The following FBLN5 variants were observed in gnomAD, a reference collection of about 807,000 sequenced individuals.
FBLN5 encodes fibulin 5, also known as fibulin-5.
FBLN5 carries 24 observed loss-of-function variants against 61.6 expected under a neutral mutation model. The ratio of observed to expected loss-of-function variants is 0.39; its 90% CI spans 0.28 to 0.55. The LOEUF (loss-of-function observed/expected upper bound fraction) is 0.55. FBLN5 is among the 20% of genes least tolerant of loss of function. The probability of loss-of-function intolerance (pLI) is 0.65; values close to 1 mark genes in which losing one functional copy is unlikely to be tolerated. For missense variants in FBLN5, 470 were observed against 594.1 expected (o/e 0.79, Z 2.17); for synonymous variants, 213 against 219.8 (o/e 0.97, Z 0.27).
chr14:91,898,182 C>T (rs754418995), intron 4 of FBLN5, among the ~76,000 whole-genome samples: 5 of 151,976 alleles, frequency 3.3e-5, no homozygotes, highest in South Asian at 2.1e-4. Context: ...TATTTTGAGA[C>T]GTCAATAAGT....
intron 4 of FBLN5, among the ~76,000 whole-genome samples, chr14:91,908,903 T>C (rs962066201): frequency 6.6e-6 from 1 of 151,856 alleles, no homozygotes; most frequent in African/African-American, 2.4e-5. Context: ...TGGGAATCAG[T>C]ACTTTTTTTT....
At position 91,930,577 on chromosome 14, in the gene FBLN5, G is replaced by A. The variant is rs1008107663; in HGVS notation, c.379+6370C>T. ...TTCACGCATTTTCCTTCTGGTCTCAGCCTGAGGACTGAGTTTCAAGTTACA... is the reference window on the plus strand; with the variant it reads ...TTCACGCATTTTCCTTCTGGTCTCAACCTGAGGACTGAGTTTCAAGTTACA... On this transcript the variant is annotated intron_variant, in intron 4 of 10. Coordinates refer to ENST00000342058, the MANE Select transcript of FBLN5 (RefSeq NM_006329.4). Among the ~76,000 whole-genome samples the A allele has an allele frequency of 2.0e-5, 3 of 152,158 alleles. No homozygotes were observed. The South Asian group carries it at 6.2e-4, about 32-fold the overall frequency.
At chr14:91,936,364 C>T (rs2056015700) in intron 4 of FBLN5, among the ~76,000 whole-genome samples, 1 of 152,262 alleles carries the variant, frequency 6.6e-6, no homozygotes, top group Admixed American at 6.5e-5. Context: ...TCCTTTGTGC[C>T]TGCTTCTTCC....
intron 5 of FBLN5, 146 bp from the exon 6 acceptor site, chr14:91,891,483 G>A: frequency 1.4e-6 from 1 of 722,620 alleles, no homozygotes; most frequent in South Asian, 1.5e-5. Flanking sequence ...CCTACTGAGT[G>A]TCACGGATGG....
At chr14:91,870,763 G>T (rs79539777) in intron 10 of FBLN5, among the ~76,000 whole-genome samples, 2,097 of 152,316 alleles carry the variant, frequency 0.014, 55 homozygotes, top group African/African-American at 0.048. Flanking sequence ...AGTTCTGTAA[G>T]AACAGGTACT....
intron 4 of FBLN5, among the ~76,000 whole-genome samples, chr14:91,896,067 C>T (rs558141348): frequency 2.6e-5 from 4 of 152,226 alleles, no homozygotes; most frequent in South Asian, 2.1e-4. Flanking sequence ...GCACAGATAT[C>T]GAGCCATATT....
intron 5 of FBLN5, 128 bp from the exon 6 acceptor site, chr14:91,891,465 A>T: frequency 1.3e-6 from 1 of 753,494 alleles, no homozygotes; most frequent in Non-Finnish European, 2.4e-6. Context: ...ACAGGAGCCA[A>T]GACAGTGCCT....
intron 7 of FBLN5, among the ~76,000 whole-genome samples, chr14:91,884,042 C>T (rs1346549090): frequency 6.6e-6 from 1 of 152,182 alleles, no homozygotes; most frequent in African/African-American, 2.4e-5. Flanking sequence ...CACTAGTTTC[C>T]CCATGTGACA....
intron 4 of FBLN5, among the ~76,000 whole-genome samples, chr14:91,905,345 C>G (rs1890639700): frequency 6.6e-6 from 1 of 152,114 alleles, no homozygotes; most frequent in African/African-American, 2.4e-5. Context: ...ATGTGGCACA[C>G]AAACAAGCAT....
At chr14:91,906,171 C>T (rs1351726775) in intron 4 of FBLN5, among the ~76,000 whole-genome samples, 1 of 152,134 alleles carries the variant, frequency 6.6e-6, no homozygotes, top group Non-Finnish European at 1.5e-5. Flanking sequence ...ATAGGCATGA[C>T]CATGCCCGAC....
At chr14:91,914,853 T>G (rs1891121716) in intron 4 of FBLN5, among the ~76,000 whole-genome samples, 1 of 151,964 alleles carries the variant, frequency 6.6e-6, no homozygotes, top group South Asian at 2.1e-4. Flanking sequence ...TTGTTTTTTG[T>G]TTTTTAATTA....
chr14:91,937,102 A>T lies in FBLN5; in HGVS notation c.224T>A (p.Val75Glu). 6.2e-7 allele frequency: 1 copy of T among 1,614,074 alleles called. No individual in the cohort carries two copies. Among genetic ancestry groups the T allele is most frequent in the Non-Finnish European group, 8.5e-7 (1 of 1,180,026 alleles). ...GYLCIPRTNP[V>E]YRGPYSNPYS... ...GGGGTTCGAGTAGGGCCCTCGATAC[A>T]CAGGGTTTGTCCGGGGAATGCATAA... Residue 75 changes from valine to glutamate, a missense_variant, in exon 4 of 11, where the codon GTG (valine) becomes GAG (glutamate). Val to Glu is a moderately radical substitution (Grantham distance 121). Transcript: ENST00000342058.
intron 4 of FBLN5, among the ~76,000 whole-genome samples, chr14:91,919,010 C>A (rs1164189474): frequency 6.6e-6 from 1 of 152,004 alleles, no homozygotes; most frequent in Admixed American, 6.6e-5. Context: ...GGGAAGAAAT[C>A]ACAGATTAAG....
intron 4 of FBLN5, among the ~76,000 whole-genome samples, chr14:91,915,364 G>A (rs1444106138): frequency 6.6e-6 from 1 of 151,928 alleles, no homozygotes; most frequent in African/African-American, 2.4e-5. Context: ...GAAACAGAAA[G>A]TGCAAACAGT....
intron 8 of FBLN5, among the ~76,000 whole-genome samples, chr14:91,881,786 A>T (rs1470200183): frequency 6.6e-6 from 1 of 151,362 alleles, no homozygotes; most frequent in Non-Finnish European, 1.5e-5. Context: ...TTATATATAT[A>T]ATTTTTTTTA....
intron 6 of FBLN5, among the ~76,000 whole-genome samples, chr14:91,888,566 G>A (rs1054087859): frequency 1.3e-5 from 2 of 148,216 alleles, no homozygotes; most frequent in East Asian, 3.9e-4. Flanking sequence ...CTGAGATCAC[G>A]CCACTGCACT....
At chr14:91,926,417 T>G (rs544197576) in intron 4 of FBLN5, among the ~76,000 whole-genome samples, 2 of 152,224 alleles carry the variant, frequency 1.3e-5, no homozygotes, top group South Asian at 4.1e-4. Flanking sequence ...GTGTGGTACA[T>G]GTGTCCACAG....
chr14:91,920,087 G>A (rs1445338996), intron 4 of FBLN5, among the ~76,000 whole-genome samples: 1 of 152,134 alleles, frequency 6.6e-6, no homozygotes, highest in Non-Finnish European at 1.5e-5. Context: ...TCTTCCCCAC[G>A]GTCAGTAGGC....
chr14:91,891,388 G>T (rs762167286), intron 5 of FBLN5, 51 bp from the exon 6 acceptor site: 2 of 1,115,302 alleles, frequency 1.8e-6, no homozygotes, highest in African/African-American at 1.5e-5. Context: ...ACTCAATGAT[G>T]CCCCCACTAG....
Sources: gnomAD v4.1 joint callset for allele counts (sites outside exome capture counted in the v4.1 genomes callset) on GRCh38, gnomAD v4.1.1 for gene constraint, MANE v1.5 for transcripts, NCBI Gene and HGNC (gene_info 2026-07-23, HGNC 2026-07-21) for gene names.